The following ENDOD1 variants were observed in gnomAD, a reference collection of about 807,000 sequenced individuals.
ENDOD1 encodes endonuclease domain containing 1.
A neutral mutation model predicts 6.5 loss-of-function variants in ENDOD1; 9 were observed. The observed-to-expected ratio is 1.39, with a 90% CI of 0.84 to 2.43. The LOEUF (loss-of-function observed/expected upper bound fraction) is 2.43, where lower values mean the gene tolerates loss of function less well. ENDOD1 is among the 30% of genes most tolerant of loss of function. ENDOD1 has a pLI of 0.00. For synonymous variants in ENDOD1, 255 were observed against 255.2 expected (o/e 1.00, Z 0.01); for missense variants, 648 against 635.5 (o/e 1.02, Z -0.21).
At chr11:95,115,390 T>G (rs1164576308) in intron 1 of ENDOD1, among the ~76,000 whole-genome samples, 1 of 148,590 alleles carries the variant, frequency 6.7e-6, no homozygotes, top group African/African-American at 2.6e-5. Flanking sequence ...AGGTTTTTTT[T>G]TTTGTGTGTG....
chr11:95,096,922 G>A (rs1184138187), intron 1 of ENDOD1, among the ~76,000 whole-genome samples: 5 of 152,156 alleles, frequency 3.3e-5, no homozygotes, highest in African/African-American at 1.2e-4. Context: ...CACTACTTTG[G>A]GAGGCCAAGG....
intron 1 of ENDOD1, among the ~76,000 whole-genome samples, chr11:95,110,577 G>A (rs944382103): frequency 1.5e-5 from 2 of 135,886 alleles, no homozygotes; most frequent in East Asian, 4.0e-4. Context: ...TCAAGTCCGT[G>A]TATGTATGTG....
Position 95,128,417 on chromosome 11 carries a change from A to T in ENDOD1, c.341A>T (p.Glu114Val), listed in dbSNP as rs773820380. Residue 114 changes from glutamate (E) to valine (V), a missense_variant, in exon 2 of 2, where the codon GAG becomes GTG. Coordinates refer to ENST00000278505, the MANE Select transcript of ENDOD1 (RefSeq NM_015036.3). ...AGCAACCTTGAGGAGGCGATTAATG[A>T]GGCAGAGGCCATCACCTCTGTGAAC... Reference protein sequence around the residue: ...PNSNLEEAINEAEAITSVNSL... With the variant: ...PNSNLEEAINVAEAITSVNSL... The T allele has an allele frequency of 1.2e-6, 2 of 1,613,904 alleles. No individual in the cohort carries two copies. Among genetic ancestry groups the T allele is most frequent in the Non-Finnish European group, 1.7e-6 (2 of 1,179,936 alleles).
intron 1 of ENDOD1, among the ~76,000 whole-genome samples, chr11:95,106,836 C>T (rs1460322822): frequency 1.3e-5 from 2 of 151,960 alleles, no homozygotes; most frequent in South Asian, 2.1e-4. Context: ...CCCTTTCCCC[C>T]GTCAGCATCA....
chr11:95,119,444 G>C (rs1859241724), intron 1 of ENDOD1, among the ~76,000 whole-genome samples: 1 of 152,372 alleles, frequency 6.6e-6, no homozygotes, highest in East Asian at 1.9e-4. Flanking sequence ...GTCTTGGGAT[G>C]AGATCAGAAA....
chr11:95,120,595 G>T (rs188263851), intron 1 of ENDOD1, among the ~76,000 whole-genome samples: 2 of 151,886 alleles, frequency 1.3e-5, no homozygotes, highest in Non-Finnish European at 2.9e-5. Flanking sequence ...GAAGGAAGAG[G>T]TTTCTTTTGG....
At chr11:95,110,982 T>C (rs653551) in intron 1 of ENDOD1, among the ~76,000 whole-genome samples, 147,848 of 152,248 alleles carry the variant, frequency 0.97, 71,809 homozygotes, top group East Asian at 1. Flanking sequence ...TGATTCTAGC[T>C]CTAGAGAAGT....
Position 95,103,096 on chromosome 11 carries a change from A to AGAGTGT in ENDOD1, c.300+12870_300+12871insAGTGTG, listed in dbSNP as rs1555111067. Among the ~76,000 whole-genome samples, 7 of 56,432 alleles carry AGAGTGT rather than the reference A, an allele frequency of 1.2e-4. No individual in the cohort carries two copies. In the South Asian group the frequency reaches 5.6e-3, roughly 46 times the overall value. 37.0% of individuals were successfully genotyped at this position (56,432 alleles called of 152,430 possible). A position where few individuals can be genotyped will look rare whatever the true frequency, so the allele number is the denominator to read the frequency against. On this transcript the variant is annotated intron_variant, in intron 1 of 1. Transcript: ENST00000278505. ...AAGAGGAAGCTAAGGAACTAGGCAG[A>AGAGTGT]GTGGGTGTGTGTGTGTGTGTGTGTG...
intron 1 of ENDOD1, among the ~76,000 whole-genome samples, chr11:95,090,804 C>T (rs1346677733): frequency 3.3e-5 from 5 of 152,220 alleles, no homozygotes; most frequent in Admixed American, 3.3e-4. Flanking sequence ...AGCTTCTCTT[C>T]TGCAGAGCTC....
intron 1 of ENDOD1, among the ~76,000 whole-genome samples, chr11:95,099,209 G>C (rs1565443920): frequency 6.6e-6 from 1 of 152,284 alleles, no homozygotes; most frequent in East Asian, 1.9e-4. Flanking sequence ...CACCAGGTTA[G>C]AGCTGGGAAA....
intron 1 of ENDOD1, among the ~76,000 whole-genome samples, chr11:95,122,577 G>A (rs1859271937): frequency 8.1e-6 from 1 of 123,108 alleles, no homozygotes; most frequent in African/African-American, 3.0e-5. Flanking sequence ...TAGATGAAGT[G>A]GGCATTTAAG....
chr11:95,094,136 ATATAT>A (rs1858957958), intron 1 of ENDOD1, among the ~76,000 whole-genome samples: 1 of 148,340 alleles, frequency 6.7e-6, no homozygotes, highest in Non-Finnish European at 1.5e-5. Flanking sequence ...TATATAATTA[ATATAT>A]TATACATATT....
intron 1 of ENDOD1, among the ~76,000 whole-genome samples, chr11:95,121,322 TG>T (rs1418445654): frequency 6.6e-6 from 1 of 152,242 alleles, no homozygotes; most frequent in Non-Finnish European, 1.5e-5. Context: ...GTCTTGTATG[TG>T]GTAGTAATAA....
chr11:95,103,096 AGTGGGTGTGT>A (rs1377082422), intron 1 of ENDOD1, among the ~76,000 whole-genome samples: 33 of 56,510 alleles, frequency 5.8e-4, no homozygotes, highest in East Asian at 1.2e-3. Flanking sequence ...AACTAGGCAG[AGTGGGTGTGT>A]GTGTGTGTGT....
In ENDOD1 at chr11:95,103,244, G is replaced by A. The variant is rs1859058996; in HGVS notation, c.300+13017G>A. 2.6e-5 allele frequency among the ~76,000 whole-genome samples: 4 copies of A among 152,002 alleles called. No homozygotes were observed. The South Asian group carries it at 8.3e-4, about 32-fold the overall frequency. ...TGTTCCCTTCTCTACCAGTGAATTG[G>A]GGTTTAAGAAGTAGGCATGGAATTA... On this transcript the variant is annotated intron_variant, in intron 1 of 1. Transcript: ENST00000278505.
chr11:95,108,328 A>T (rs1859112159), intron 1 of ENDOD1, among the ~76,000 whole-genome samples: 1 of 152,130 alleles, frequency 6.6e-6, no homozygotes, highest in Non-Finnish European at 1.5e-5. Flanking sequence ...TGCACAGCAC[A>T]GGCCAGAGCT....
At chr11:95,110,575 G>A (rs912796477) in intron 1 of ENDOD1, among the ~76,000 whole-genome samples, 4 of 128,748 alleles carry the variant, frequency 3.1e-5, no homozygotes, top group Non-Finnish European at 5.3e-5. Flanking sequence ...TTTCAAGTCC[G>A]TGTATGTATG....
chr11:95,100,275 C>T (rs1439775231), intron 1 of ENDOD1, among the ~76,000 whole-genome samples: 1 of 152,122 alleles, frequency 6.6e-6, no homozygotes, highest in Non-Finnish European at 1.5e-5. Flanking sequence ...TAACCCATTC[C>T]ATCTGGTTCT....
At chr11:95,124,638 G>A (rs1859294035) in intron 1 of ENDOD1, among the ~76,000 whole-genome samples, 1 of 152,164 alleles carries the variant, frequency 6.6e-6, no homozygotes, top group South Asian at 2.1e-4. Flanking sequence ...GTGTAGAATT[G>A]GGCCACGGCC....
Sources: gnomAD v4.1 joint callset for allele counts (sites outside exome capture counted in the v4.1 genomes callset) on GRCh38, gnomAD v4.1.1 for gene constraint, MANE v1.5 for transcripts, NCBI Gene and HGNC (gene_info 2026-07-23, HGNC 2026-07-21) for gene names.